CAPN14: variants seen among roughly 807,000 people sequenced by gnomAD.
CAPN14 encodes the protein calpain 14.
Under a neutral mutation model 101.3 loss-of-function variants are expected in CAPN14, and 94 were observed. The observed-to-expected ratio is 0.93, with a 90% CI of 0.79 to 1.10. CAPN14 has a LOEUF of 1.10. Ranked by LOEUF, CAPN14 falls within the 50% of genes least tolerant of loss-of-function variation. The probability of loss-of-function intolerance (pLI) is 0.00; values close to 1 mark genes in which losing one functional copy is unlikely to be tolerated. For synonymous variants in CAPN14, 338 were observed against 317.9 expected, an observed-to-expected ratio of 1.06 and a Z score of -0.67; for missense variants, 837 against 828.4, an observed-to-expected ratio of 1.01 and a Z score of -0.13.
At chr2:31,197,178 T>C (rs1480865570) in intron 8 of CAPN14, 71 bp downstream of exon 8, 4 of 1,001,302 alleles carry the variant, frequency 4.0e-6, no homozygotes, top group South Asian at 1.4e-5. Flanking sequence ...CATTTGAATC[T>C]GTGTGCAAAT....
At chr2:31,181,388 T>TCTC (rs1680591745) in intron 16 of CAPN14, among the ~76,000 whole-genome samples, 4 of 106,558 alleles carry the variant, frequency 3.8e-5, no homozygotes, top group Non-Finnish European at 2.0e-5. Flanking sequence ...TTTTCTTTTT[T>TCTC]TCTTTCTTTT....
chr2:31,180,698 G>A (rs944749269), intron 17 of CAPN14, among the ~76,000 whole-genome samples: 6 of 152,108 alleles, frequency 3.9e-5, no homozygotes, highest in African/African-American at 1.4e-4. Context: ...TGATAGCTCT[G>A]ACCCCAGCAT....
intron 1 of CAPN14, among the ~76,000 whole-genome samples, chr2:31,229,259 G>A (rs1288624706): frequency 6.6e-6 from 1 of 152,104 alleles, no homozygotes; most frequent in Non-Finnish European, 1.5e-5. Context: ...AATTTTTCTA[G>A]TCCTTGGTTT....
At chr2:31,214,737 G>A (rs1057065957) in intron 1 of CAPN14, among the ~76,000 whole-genome samples, 2 of 152,122 alleles carry the variant, frequency 1.3e-5, no homozygotes, top group African/African-American at 2.4e-5. Context: ...AGACTCCCTG[G>A]AGCATGGGTG....
chr2:31,188,890 G>A (rs1681042049), intron 13 of CAPN14, among the ~76,000 whole-genome samples: 1 of 152,136 alleles, frequency 6.6e-6, no homozygotes. Context: ...CCAGGACCAT[G>A]GGAGTTGGCT....
At chr2:31,221,358 C>A (rs1355543106), upstream of CAPN14, among the ~76,000 whole-genome samples, 2 of 152,170 alleles carry the variant, frequency 1.3e-5, no homozygotes. Flanking sequence ...AAGGCAGGTA[C>A]AGTGCATGTT....
chr2:31,203,198 C>T lies in CAPN14; in HGVS notation c.226-59G>A, dbSNP rs1028021012. The T allele has an allele frequency of 2.1e-6, 3 of 1,408,144 alleles. No homozygotes were observed. The Admixed American group carries it at 5.9e-5, about 28-fold the overall frequency. The allele number at this position is 1,408,144 out of a possible 1,614,324, so 87.2% of individuals were successfully genotyped here. ...TAGAACAAAAAAGCTCCTGGAGCTA[C>T]AGTGACCACGTTTTCCCATACCCCA... On this transcript the variant is annotated intron_variant, in intron 2 of 21. Coordinates refer to ENST00000403897, the MANE Select transcript of CAPN14 (RefSeq NM_001145122.2).
In CAPN14 at chr2:31,188,322, G is replaced by A; in HGVS notation, c.1526C>T (p.Ser509Leu). ...EIGSNSGVVF[S>L]KEIEDQNERQ... ...GAATTCCACCAGACTACTCACCTTT[G>A]AGAAGACGACACCAGAATTGCTGCC... The change falls in exon 14 of 22, where the codon TCA becomes TTA. Residue 509 changes from serine to leucine, a missense_variant. By Grantham distance (145) the Ser-to-Leu change is moderately radical. Transcript: ENST00000403897. 6.4e-7 allele frequency: 1 copy of A among 1,551,514 alleles called. No homozygotes were observed. Among genetic ancestry groups the A allele is most frequent in the Non-Finnish European group, 8.7e-7 (1 of 1,146,846 alleles).
intron 7 of CAPN14, 78 bp from the exon 8 acceptor site, chr2:31,197,412 G>C: frequency 1.0e-6 from 1 of 991,090 alleles, no homozygotes; most frequent in Admixed American, 2.0e-5. Context: ...CTCGGGCCTG[G>C]AGCTGAGCAC....
intron 16 of CAPN14, among the ~76,000 whole-genome samples, chr2:31,183,271 C>A (rs1680740959): frequency 6.6e-6 from 1 of 152,146 alleles, no homozygotes; most frequent in Non-Finnish European, 1.5e-5. Context: ...AGGACATAGG[C>A]ATGGGCAAGG....
At chr2:31,194,545 G>C in intron 8 of CAPN14, 62 bp from the exon 9 acceptor site, 1 of 1,046,440 alleles carries the variant, frequency 9.6e-7, no homozygotes, top group Non-Finnish European at 1.4e-6. Flanking sequence ...TTTAGTAAAG[G>C]CTCTATAGTG....
chr2:31,209,137 C>CTTTTT (rs34521833), intron 1 of CAPN14, among the ~76,000 whole-genome samples: 2 of 131,770 alleles, frequency 1.5e-5, no homozygotes, highest in South Asian at 2.6e-4. Context: ...GCGCAGCTAA[C>CTTTTT]TTTTTTTTTT....
chr2:31,200,732 C>A, intron 5 of CAPN14, 107 bp from the exon 6 acceptor site: 1 of 1,108,782 alleles, frequency 9.0e-7, no homozygotes, highest in Non-Finnish European at 1.3e-6. Context: ...TTTCTCATAC[C>A]AAAAGCAGAG....
At chr2:31,215,021 C>T (rs1682580991) in intron 1 of CAPN14, among the ~76,000 whole-genome samples, 1 of 152,094 alleles carries the variant, frequency 6.6e-6, no homozygotes, top group South Asian at 2.1e-4. Flanking sequence ...TTTGTACAGC[C>T]TCCTCCTAAA....
chr2:31,187,811 T>C lies in CAPN14; in HGVS notation c.1534A>G (p.Ile512Val), dbSNP rs778328330. ...SNSGVVFSKE[I>V]EDQNERQDEF... ...TCCTGCCTTTCATTTTGGTCTTCTA[T>C]CTCCTATAGGAAGAGACACACAGAA... Residue 512 changes from isoleucine to valine, a missense_variant, in exon 15 of 22, where the codon ATA (isoleucine) becomes GTA (valine). Coordinates refer to ENST00000403897, the MANE Select transcript of CAPN14 (RefSeq NM_001145122.2). 1.5e-5 allele frequency: 24 copies of C among 1,550,432 alleles called. No individual in the cohort carries two copies. Among genetic ancestry groups the C allele is most frequent in the Middle Eastern group, 3.3e-4 (2 of 6,018 alleles).
At chr2:31,225,449 A>G (rs2148708411) in intron 2 of CAPN14, among the ~76,000 whole-genome samples, 1 of 152,226 alleles carries the variant, frequency 6.6e-6, no homozygotes, top group Middle Eastern at 3.4e-3. Context: ...CAATTTGGTG[A>G]TAAGTATCAA....
chr2:31,207,686 G>A (rs1213590727), intron 1 of CAPN14, among the ~76,000 whole-genome samples: 1 of 152,298 alleles, frequency 6.6e-6, no homozygotes, highest in African/African-American at 2.4e-5. Context: ...AGGATCACTT[G>A]AGCCGGGAGG....
At chr2:31,222,148 T>A (rs1344109895), upstream of CAPN14, among the ~76,000 whole-genome samples, 2 of 152,218 alleles carry the variant, frequency 1.3e-5, no homozygotes, top group East Asian at 3.9e-4. Flanking sequence ...AGACTTATGT[T>A]GAAATGAATT....
chr2:31,186,753 T>C (rs1429546247), intron 15 of CAPN14, among the ~76,000 whole-genome samples: 2 of 152,206 alleles, frequency 1.3e-5, no homozygotes, highest in African/African-American at 4.8e-5. Context: ...CAGTCAAAAC[T>C]CCAGATTTTA....
Sources: gnomAD v4.1 joint callset for allele counts (sites outside exome capture counted in the v4.1 genomes callset) on GRCh38, gnomAD v4.1.1 for gene constraint, MANE v1.5 for transcripts, NCBI Gene and HGNC (gene_info 2026-07-23, HGNC 2026-07-21) for gene names.